The following NISCH variants were observed in gnomAD, a reference collection of about 807,000 sequenced individuals.
The protein encoded by NISCH is nischarin.
A neutral mutation model predicts 138.4 loss-of-function variants in NISCH; 55 were observed. That is an observed-to-expected ratio of 0.40 (90% CI 0.32 to 0.50). NISCH has a LOEUF of 0.50. Ranked by LOEUF, NISCH falls within the 20% of genes least tolerant of loss-of-function variation. The pLI is 0.71. For missense variants in NISCH, 1,643 were observed against 2,005.5 expected (o/e 0.82, Z 3.45); for synonymous variants, 860 against 861.5 (o/e 1.00, Z 0.03).
chr3:52,467,491 T>G (rs1457152748), intron 3 of NISCH, among the ~76,000 whole-genome samples: 1 of 152,130 alleles, frequency 6.6e-6, no homozygotes, highest in South Asian at 2.1e-4. Context: ...ACCAGCGAAC[T>G]CTCTGAGGAG....
intron 7 of NISCH, among the ~76,000 whole-genome samples, chr3:52,476,098 A>G (rs1459853322): frequency 6.6e-6 from 1 of 152,204 alleles, no homozygotes; most frequent in Admixed American, 6.5e-5. Flanking sequence ...AGATTGCGCC[A>G]CTGCACTCCA....
At chr3:52,458,314 TG>T (rs1706533346) in intron 2 of NISCH, among the ~76,000 whole-genome samples, 1 of 152,220 alleles carries the variant, frequency 6.6e-6, no homozygotes, top group Admixed American at 6.5e-5. Context: ...TGTCTTTCTC[TG>T]GGTCATTTGC....
rs766139065 is a variant in NISCH, at chr3:52,492,264, G to A, written c.4297G>A (p.Val1433Ile). 1.4e-5 allele frequency: 23 copies of A among 1,613,282 alleles called. No homozygotes were observed. The highest frequency in any genetic ancestry group is 3.3e-5 in the South Asian group (3 of 91,086). ...YQTYPQALTLVFDDVQGHDLM... is the reference protein window; with the variant it reads ...YQTYPQALTLIFDDVQGHDLM... The stretch of plus-strand genomic sequence containing the variant: ...GACCTACCCGCAGGCCCTCACCCTC[G>A]TCTTCGATGACGTGCAAGGTCATGA... Residue 1433 changes from valine to isoleucine, a missense_variant, in exon 21 of 21, where the codon GTC becomes ATC. Physicochemically the swap from Val to Ile is conservative, Grantham distance 29. Coordinates refer to ENST00000345716, the MANE Select transcript of NISCH (RefSeq NM_007184.4).
At chr3:52,463,807 T>A (rs185481023) in intron 3 of NISCH, among the ~76,000 whole-genome samples, 29 of 137,454 alleles carry the variant, frequency 2.1e-4, no homozygotes, top group Middle Eastern at 3.9e-3. Flanking sequence ...CACTGCAACC[T>A]CTGTCTCCTG....
At chr3:52,460,186 C>CAA (rs60865450) in intron 3 of NISCH, among the ~76,000 whole-genome samples, 978 of 55,818 alleles carry the variant, frequency 0.018, 108 homozygotes, top group South Asian at 0.036. Flanking sequence ...GACTTCATCT[C>CAA]AAAAAAAAAA....
intron 3 of NISCH, among the ~76,000 whole-genome samples, chr3:52,460,703 A>C (rs1706608829): frequency 6.6e-6 from 1 of 152,114 alleles, no homozygotes; most frequent in African/African-American, 2.4e-5. Context: ...CACCTGGCTG[A>C]CTATGGTCTC....
intron 11 of NISCH, 26 bp from the exon 12 acceptor site, chr3:52,479,723 T>C (rs1446093622): frequency 6.4e-7 from 1 of 1,559,790 alleles, no homozygotes; most frequent in Admixed American, 1.7e-5. Context: ...GTCCCCATGC[T>C]GATAGCCACT....
chr3:52,456,212 C>T lies in NISCH; in HGVS notation c.93+478C>T, dbSNP rs1393685901. ...GGCGTCAGGACCCTGATCTGGGGAG[C>T]CTGAGGTGGTGGTTGAGATTTTCTC... On this transcript the variant is annotated intron_variant, in intron 1 of 20. Transcript: ENST00000345716. Among the ~76,000 whole-genome samples the T allele has an allele frequency of 2.6e-5, 4 of 151,842 alleles. No individual in the cohort carries two copies. The East Asian group carries it at 7.7e-4, about 29-fold the overall frequency.
intron 6 of NISCH, 63 bp from the exon 7 acceptor site, chr3:52,473,671 C>A: frequency 8.4e-7 from 1 of 1,194,380 alleles, no homozygotes; most frequent in Non-Finnish European, 1.2e-6. Flanking sequence ...GAAACACCTG[C>A]ATCTGGGGAC....
intron 17 of NISCH, 173 bp downstream of exon 17, chr3:52,489,851 G>T (rs1181689411): frequency 7.8e-7 from 1 of 1,281,614 alleles, no homozygotes. Context: ...CCCTCCCCTG[G>T]CCATTTGTGC....
In NISCH at chr3:52,492,712, C is replaced by G; in HGVS notation, c.*230C>G. On this transcript the variant is annotated 3_prime_UTR_variant, in exon 21 of 21. Transcript: ENST00000345716. ...TGCTGTCAGCCTCCCACAGGTGGTA[C>G]AGCCGTGCACACCAGTGTCGTGTCT... 1 of 586,944 alleles carries G rather than the reference C, an allele frequency of 1.7e-6. No homozygotes were observed. The highest frequency in any genetic ancestry group is 3.0e-6 in the Non-Finnish European group (1 of 336,570). 36.4% of individuals were successfully genotyped at this position (586,944 alleles called of 1,614,324 possible). A position where few individuals can be genotyped will look rare whatever the true frequency, so the allele number is the denominator to read the frequency against.
chr3:52,483,985 CCTTT>C (rs1370921695), intron 13 of NISCH, among the ~76,000 whole-genome samples: 1 of 152,230 alleles, frequency 6.6e-6, no homozygotes, highest in African/African-American at 2.4e-5. Context: ...TTTCAGCTTG[CCTTT>C]CTTTGTGTAC....
rs745674786 is a variant in NISCH, at chr3:52,490,113, G to A, written c.3495G>A (p.Ser1165=). 10 of 1,613,542 alleles carry A rather than the reference G, an allele frequency of 6.2e-6. No homozygotes were observed. In the Admixed American group the frequency reaches 6.7e-5, roughly 11 times the overall value. The change falls in exon 18 of 21, where the codon TCG becomes TCA. Residue 1165 remains serine (S), a synonymous_variant. Coordinates refer to ENST00000345716, the MANE Select transcript of NISCH (RefSeq NM_007184.4). ...NEELRHLMWS[S]VVFYQTPGLE... ...AGCTGAGGCACCTCATGTGGTCCTC[G>A]GTGGTGTTCTACCAGACCCCAGGGC...
At chr3:52,479,083 T>A (rs1020090040) in intron 11 of NISCH, among the ~76,000 whole-genome samples, 1 of 152,154 alleles carries the variant, frequency 6.6e-6, no homozygotes, top group Non-Finnish European at 1.5e-5. Flanking sequence ...GGAAGTCTAT[T>A]TGTGTCCCAC....
intron 3 of NISCH, among the ~76,000 whole-genome samples, chr3:52,459,292 AG>A (rs1363612221): frequency 6.6e-6 from 1 of 152,184 alleles, no homozygotes; most frequent in East Asian, 1.9e-4. Flanking sequence ...GCTAAGGTTG[AG>A]GGTGGACACC....
In NISCH at chr3:52,489,585, C is replaced by G; in HGVS notation, c.3363C>G (p.Ile1121Met). The G allele has an allele frequency of 6.2e-7, 1 of 1,613,218 alleles. No individual in the cohort carries two copies. The highest frequency in any genetic ancestry group is 8.5e-7 in the Non-Finnish European group (1 of 1,179,986). Residue 1121 changes from isoleucine to methionine, a missense_variant, in exon 17 of 21, where the codon ATC becomes ATG. Coordinates refer to ENST00000345716, the MANE Select transcript of NISCH (RefSeq NM_007184.4). ...AGGCCACCTCGGAGGAGAATCAGAT[C>G]CCCTCGCACTTGCCTGCCTGCCCGT... is the stretch of plus-strand genomic sequence containing the variant. ...LIQATSEENQ[I>M]PSHLPACPSL...
rs548724888 is a variant in NISCH, at chr3:52,484,341, T to C, written c.1529-172T>C. The C allele has an allele frequency of 1.8e-4, 103 of 581,184 alleles. 1 individual carries two copies. The highest frequency in any genetic ancestry group is 9.7e-4 in the South Asian group (42 of 43,272). 36.0% of individuals were successfully genotyped at this position (581,184 alleles called of 1,614,324 possible). A position where few individuals can be genotyped will look rare whatever the true frequency, so the allele number is the denominator to read the frequency against. On this transcript the variant is annotated intron_variant, in intron 13 of 20. Transcript: ENST00000345716. ...CAGTCATTTGTTCTTTCTTGAGTTA[T>C]TTTGAGATTTCAGTTTTAACATTTT...
chr3:52,468,072 T>C (rs1578283637), intron 3 of NISCH, among the ~76,000 whole-genome samples: 1 of 26,392 alleles, frequency 3.8e-5, no homozygotes, highest in Non-Finnish European at 6.9e-5. Flanking sequence ...CCAGCCTGGC[T>C]AACATGGTGA....
chr3:52,477,716 C>A, intron 9 of NISCH, 74 bp downstream of exon 9: 1 of 1,317,874 alleles, frequency 7.6e-7, no homozygotes. Flanking sequence ...GAGACTGACG[C>A]AGCCTTGGGA....
Sources: allele counts gnomAD v4.1 joint callset (sites outside exome capture counted in the v4.1 genomes callset), GRCh38; gene constraint gnomAD v4.1.1; transcripts MANE v1.5; gene names NCBI Gene and HGNC (gene_info 2026-07-23, HGNC 2026-07-21).